The following IGSF22 variants were observed in gnomAD, a reference collection of about 807,000 sequenced individuals.
IGSF22 encodes immunoglobulin superfamily member 22.
Under a neutral mutation model 127.0 loss-of-function variants are expected in IGSF22, and 119 were observed. That is an observed-to-expected ratio of 0.94 (90% CI 0.81 to 1.09). The LOEUF (loss-of-function observed/expected upper bound fraction) is 1.09. Among genes scored for constraint, IGSF22 ranks in the 50% least tolerant of loss-of-function variants. The probability of loss-of-function intolerance (pLI) is 0.00; values close to 1 mark genes in which losing one functional copy is unlikely to be tolerated. For missense variants in IGSF22, 1,518 were observed against 1,716.6 expected, an observed-to-expected ratio of 0.88 and a Z score of 2.04; for synonymous variants, 568 against 664.7, an observed-to-expected ratio of 0.85 and a Z score of 2.24.
chr11:18,724,736 A>T (rs1848625249), intron 1 of IGSF22, among the ~76,000 whole-genome samples: 1 of 152,218 alleles, frequency 6.6e-6, no homozygotes, highest in South Asian at 2.1e-4. Context: ...TGGAATGCTA[A>T]AACAGATGAC....
chr11:18,706,059 G>A lies in IGSF22; in HGVS notation c.3668C>T (p.Thr1223Met), dbSNP rs991292884. The A allele has an allele frequency of 1.1e-4, 173 of 1,550,994 alleles. No individual in the cohort carries two copies. Among genetic ancestry groups the A allele is most frequent in the Non-Finnish European group, 1.4e-4 (165 of 1,146,942 alleles). ...GGTGCAGTCCTGGCCGCGGAGCACC[G>A]TGTGTGGCTTGAGGGGCGTCACGAA... is the stretch of plus-strand genomic sequence containing the variant. ...PRFVTPLKPH[T>M]VLRGQDCTMT... Residue 1223 changes from threonine (T) to methionine (M), a missense_variant, in exon 22 of 23, where the codon ACG becomes ATG. This residue lies in a region of IGSF22 where 1,456 missense variants were observed against 1,644.9 expected (regional missense o/e 0.89). Transcript: ENST00000513874.
At chr11:18,725,642 A>G (rs1385430129) in intron 1 of IGSF22, among the ~76,000 whole-genome samples, 6 of 149,406 alleles carry the variant, frequency 4.0e-5, no homozygotes, top group African/African-American at 1.2e-4. Context: ...GCGTTTCACT[A>G]TGTTGGCCAG....
rs1564869836 is a variant in IGSF22 at position 18,710,832 on chromosome 11, T to C, written c.2399-4A>G. On this transcript the variant is annotated splice_polypyrimidine_tract_variant and splice_region_variant and intron_variant, in intron 15 of 22. Coordinates refer to ENST00000513874, the MANE Select transcript of IGSF22 (RefSeq NM_173588.4). The stretch of plus-strand genomic sequence containing the variant: ...TGGGAGGCAAAACCAGGAGGCTCTG[T>C]GGGGGAAAGAGAGAGTGCAAAGGTT... The C allele has an allele frequency of 6.2e-7, 1 of 1,611,414 alleles. No individual in the cohort carries two copies. Among genetic ancestry groups the C allele is most frequent in the Admixed American group, 1.7e-5 (1 of 59,998 alleles).
intron 11 of IGSF22, 108 bp downstream of exon 11, chr11:18,715,324 G>A (rs1848441325): frequency 8.6e-7 from 1 of 1,159,708 alleles, no homozygotes; most frequent in Non-Finnish European, 1.2e-6. Flanking sequence ...GTTGGTCATG[G>A]TCTACAGGAG....
chr11:18,707,939 C>A lies in IGSF22; in HGVS notation c.3145G>T (p.Glu1049Ter). ...TGGTTTTTGCTCTTGGTAATTGTCT[C>A]TCGGCCCTTGGTGGGAACGCCATCT... is the stretch of plus-strand genomic sequence containing the variant. ...QKDGVPTKGR[E>*]TITKSKNHSQ... The change falls in exon 20 of 23, where the codon GAG becomes TAG. Residue 1049 changes from glutamate (E) to a stop codon, truncating the protein, a stop_gained. Transcript: ENST00000513874. LOFTEE classifies it high-confidence loss of function. 6.2e-7 allele frequency: 1 copy of A among 1,614,204 alleles called. No homozygotes were observed. Among genetic ancestry groups the A allele is most frequent in the Non-Finnish European group, 8.5e-7 (1 of 1,180,030 alleles).
rs1411257760 is a variant in IGSF22, at chr11:18,710,452, G to A, written c.2576C>T (p.Thr859Ile). 1.2e-6 allele frequency: 2 copies of A among 1,613,980 alleles called. No homozygotes were observed. The highest frequency in any genetic ancestry group is 8.5e-7 in the Non-Finnish European group (1 of 1,180,034). The change falls in exon 17 of 23, where the codon ACC becomes ATC. Residue 859 changes from threonine to isoleucine, a missense_variant. By Grantham distance (89) the Thr-to-Ile change is moderately conservative. Coordinates refer to ENST00000513874, the MANE Select transcript of IGSF22 (RefSeq NM_173588.4). The stretch of plus-strand genomic sequence containing the variant: ...CAGGAGACCATCCACAGTGCACTTG[G>A]TGCCTGAAATGGGAAGATGAGGGGT... ...VPVNKDPIQGTKCTVDGLLED... is the reference protein window; with the variant it reads ...VPVNKDPIQGIKCTVDGLLED...
intron 4 of IGSF22, 103 bp downstream of exon 4, chr11:18,721,432 G>T: frequency 6.7e-7 from 1 of 1,497,890 alleles, no homozygotes; most frequent in South Asian, 1.1e-5. Context: ...CCCGGCTCTC[G>T]GGCCGCCGTT....
intron 21 of IGSF22, 120 bp downstream of exon 21, chr11:18,706,794 C>A (rs575698207): frequency 2.6e-6 from 2 of 774,092 alleles, no homozygotes; most frequent in South Asian, 4.5e-5. Flanking sequence ...CAGATATTAA[C>A]CGTTCTATCT....
intron 19 of IGSF22, 28 bp from the exon 20 acceptor site, chr11:18,708,024 T>G (rs747624111): frequency 6.2e-7 from 1 of 1,612,404 alleles, no homozygotes; most frequent in South Asian, 1.1e-5. Context: ...ATGGCACAAC[T>G]GGTCACACAG....
At position 18,712,296 on chromosome 11, in the gene IGSF22, A is replaced by G; in HGVS notation, c.2184T>C (p.Asn728=). The change falls in exon 15 of 23, where the codon AAT becomes AAC. Residue 728 remains asparagine, a synonymous_variant. Transcript: ENST00000513874. ...TGAACTGTGTCACAGGTCGTCCACC[A>G]TTGTCCTTTGGGGCCTTCCACTTCA... The part of the protein sequence containing the change: ...VHMKWKAPKD[N]GGRPVTQFIV... 6.4e-7 allele frequency: 1 copy of G among 1,551,570 alleles called. No individual in the cohort carries two copies. The highest frequency in any genetic ancestry group is 8.7e-7 in the Non-Finnish European group (1 of 1,146,974).
At chr11:18,720,357 G>T in intron 4 of IGSF22, 72 bp from the exon 5 acceptor site, 1 of 1,200,128 alleles carries the variant, frequency 8.3e-7, no homozygotes, top group Non-Finnish European at 1.2e-6. Context: ...AGATAAGGTA[G>T]GAGGCCTTTT....
At position 18,718,113 on chromosome 11, in the gene IGSF22, G is replaced by C; in HGVS notation, c.811-20C>G. The C allele has an allele frequency of 3.1e-6, 5 of 1,610,718 alleles. No individual in the cohort carries two copies. Among genetic ancestry groups the C allele is most frequent in the East Asian group, 4.5e-5 (2 of 44,804 alleles). On this transcript the variant is annotated intron_variant, in intron 8 of 22. Transcript: ENST00000513874. ...AGTACCCTGCCTCATGGAACAGGTA[G>C]GAAAGCTGATGAAGGGCTTTAGGAG...
rs554267721 is a variant in IGSF22, at chr11:18,716,167, G to A, written c.1247-451C>T. ...CTACTCTCCCTCATTCTTTGAAAGC[G>A]GAACTCCTTTTAGTTCTTGGTAAAG... On this transcript the variant is annotated intron_variant, in intron 10 of 22. Coordinates refer to ENST00000513874, the MANE Select transcript of IGSF22 (RefSeq NM_173588.4). The surrounding 1 kb of genome is among the most constrained non-coding windows in gnomAD (Gnocchi z 4.5). 7.1e-4 allele frequency among the ~76,000 whole-genome samples: 108 copies of A among 152,038 alleles called. No individual in the cohort carries two copies. Among genetic ancestry groups the A allele is most frequent in the African/African-American group, 1.1e-3 (45 of 41,384 alleles).
chr11:18,716,662 T>A lies in IGSF22; in HGVS notation c.1246+66A>T, dbSNP rs927255728. 2 of 1,504,142 alleles carry A rather than the reference T, an allele frequency of 1.3e-6. No homozygotes were observed. The highest frequency in any genetic ancestry group is 2.8e-5 in the African/African-American group (2 of 72,612). The allele number at this position is 1,504,142 out of a possible 1,614,324, so 93.2% of individuals were successfully genotyped here. ...GATGGATAGATGGATATATAAATGA[T>A]GACTACCTGCATGGAGGTTGCTGTG... On this transcript the variant is annotated intron_variant, in intron 10 of 22. Coordinates refer to ENST00000513874, the MANE Select transcript of IGSF22 (RefSeq NM_173588.4). The surrounding 1 kb of genome is among the most constrained non-coding windows in gnomAD (Gnocchi z 4.5).
chr11:18,710,624 C>T, intron 16 of IGSF22, 31 bp downstream of exon 16: 1 of 1,594,728 alleles, frequency 6.3e-7, no homozygotes, highest in South Asian at 1.1e-5. Context: ...CTCCTTTGGT[C>T]ACTCCTGGGC....
chr11:18,725,599 C>T (rs375624502), intron 1 of IGSF22, among the ~76,000 whole-genome samples: 3 of 152,234 alleles, frequency 2.0e-5, no homozygotes, highest in South Asian at 2.1e-4. Context: ...CGCCATCACA[C>T]CCGGCTAATT....
intron 1 of IGSF22, among the ~76,000 whole-genome samples, chr11:18,725,771 A>G (rs993486301): frequency 6.6e-6 from 1 of 152,276 alleles, no homozygotes; most frequent in Admixed American, 6.5e-5. Flanking sequence ...CCTATTTCGT[A>G]TATGAGGAAA....
intron 18 of IGSF22, among the ~76,000 whole-genome samples, chr11:18,708,774 A>G (rs970146372): frequency 6.6e-6 from 1 of 152,218 alleles, no homozygotes; most frequent in African/African-American, 2.4e-5. Context: ...GGTTAGGAGG[A>G]TGTGAGGAGC....
At chr11:18,713,178 A>G (rs1212640118) in intron 14 of IGSF22, among the ~76,000 whole-genome samples, 1 of 136,440 alleles carries the variant, frequency 7.3e-6, no homozygotes, top group Non-Finnish European at 1.5e-5. Context: ...TTGGTGACAG[A>G]GTCTTGCTCT....
Sources: allele counts gnomAD v4.1 joint callset (sites outside exome capture counted in the v4.1 genomes callset), GRCh38; gene constraint gnomAD v4.1.1; regional missense constraint gnomAD v4.1.1; non-coding constraint Gnocchi (gnomAD v3.1); transcripts MANE v1.5; gene names NCBI Gene and HGNC (gene_info 2026-07-23, HGNC 2026-07-21).